The following PEX5L variants were observed in gnomAD, a reference collection of about 807,000 sequenced individuals.
PEX5L encodes PEX5-related protein.
Under a neutral mutation model 84.0 loss-of-function variants are expected in PEX5L, and 30 were observed. That is an observed-to-expected ratio of 0.36 (90% CI 0.27 to 0.48). The LOEUF (loss-of-function observed/expected upper bound fraction) is 0.48. PEX5L is among the 20% of genes least tolerant of loss of function. The pLI, the probability that PEX5L is intolerant of heterozygous loss-of-function variation, is 0.99. For missense variants in PEX5L, 533 were observed against 754.6 expected, an observed-to-expected ratio of 0.71 and a Z score of 3.44; for synonymous variants, 270 against 283.1, an observed-to-expected ratio of 0.95 and a Z score of 0.46.
intron 1 of PEX5L, among the ~76,000 whole-genome samples, chr3:179,975,794 A>G (rs910500682): frequency 4.6e-5 from 7 of 152,146 alleles, no homozygotes; most frequent in Non-Finnish European, 5.9e-5. Context: ...CCCTGTCCTA[A>G]AAGGTGATTT....
At chr3:179,917,675 A>G (rs939489620) in intron 2 of PEX5L, among the ~76,000 whole-genome samples, 6 of 150,800 alleles carry the variant, frequency 4.0e-5, no homozygotes, top group Admixed American at 6.6e-5. Flanking sequence ...TTTGAGACGG[A>G]GTTTTGCTTT....
In PEX5L at chr3:180,036,652, T is replaced by C; in HGVS notation, c.-53A>G. The C allele has an allele frequency of 6.2e-7, 1 of 1,604,740 alleles. No individual in the cohort carries two copies. Among genetic ancestry groups the C allele is most frequent in the African/African-American group, 1.3e-5 (1 of 74,880 alleles). ...GAGGCCACCGGATGCTTTTCCCCCG[T>C]GCTTACTTGCCCACCAAAAGAGGGG... On this transcript the variant is annotated 5_prime_UTR_variant, in exon 1 of 15. Transcript: ENST00000467460.
At chr3:179,873,465 T>C (rs1480999623) in intron 7 of PEX5L, among the ~76,000 whole-genome samples, 1 of 152,198 alleles carries the variant, frequency 6.6e-6, no homozygotes, top group Non-Finnish European at 1.5e-5. Context: ...ACACAACTTA[T>C]GATATCTTCG....
intron 1 of PEX5L, among the ~76,000 whole-genome samples, chr3:179,984,823 A>C (rs1279140772): frequency 6.6e-6 from 1 of 152,170 alleles, no homozygotes; most frequent in Non-Finnish European, 1.5e-5. Context: ...TAGTGCTTAC[A>C]AATACTTATA....
At chr3:180,012,294 C>T (rs1789558907) in intron 1 of PEX5L, among the ~76,000 whole-genome samples, 1 of 152,082 alleles carries the variant, frequency 6.6e-6, no homozygotes, top group Admixed American at 6.6e-5. Context: ...TATATGTTAA[C>T]GCTGTCTGTC....
intron 7 of PEX5L, among the ~76,000 whole-genome samples, chr3:179,863,693 G>A (rs1403899871): frequency 6.6e-6 from 1 of 152,106 alleles, no homozygotes; most frequent in African/African-American, 2.4e-5. Flanking sequence ...TGTTGGAGAG[G>A]ATGTGGAGAG....
chr3:179,896,443 T>C (rs1369380198), intron 3 of PEX5L, among the ~76,000 whole-genome samples: 2 of 152,144 alleles, frequency 1.3e-5, no homozygotes, highest in South Asian at 2.1e-4. Context: ...AGGAAGAACT[T>C]GGTACAAACA....
At chr3:179,802,126 A>G (rs1719081679) in intron 14 of PEX5L, 94 bp from the exon 15 acceptor site, 1 of 866,538 alleles carries the variant, frequency 1.2e-6, no homozygotes, top group Non-Finnish European at 1.9e-6. Context: ...AGTGATTTTA[A>G]TCTAAAATCT....
intron 1 of PEX5L, among the ~76,000 whole-genome samples, chr3:180,030,126 T>C (rs980779290): frequency 2.0e-5 from 3 of 152,174 alleles, no homozygotes; most frequent in African/African-American, 7.2e-5. Context: ...CCAGGAAATG[T>C]TGGATTTTGC....
intron 2 of PEX5L, among the ~76,000 whole-genome samples, chr3:179,951,190 G>A (rs1052840114): frequency 7.2e-5 from 11 of 152,198 alleles, no homozygotes; most frequent in East Asian, 1.9e-4. Context: ...AAAAATGGGC[G>A]ATAGATGCTT....
chr3:179,840,981 T>C (rs1190980132), intron 8 of PEX5L, among the ~76,000 whole-genome samples: 3 of 152,104 alleles, frequency 2.0e-5, no homozygotes, highest in African/African-American at 7.2e-5. Flanking sequence ...TTAAGAGCCA[T>C]CAGGATATTT....
At chr3:180,027,699 G>A (rs1791093541) in intron 1 of PEX5L, among the ~76,000 whole-genome samples, 1 of 152,168 alleles carries the variant, frequency 6.6e-6, no homozygotes, top group South Asian at 2.1e-4. Flanking sequence ...TCAATAGTGT[G>A]TGCCAAGGGT....
At chr3:180,015,876 A>T (rs1394029907) in intron 1 of PEX5L, among the ~76,000 whole-genome samples, 1 of 118,136 alleles carries the variant, frequency 8.5e-6, no homozygotes, top group East Asian at 2.0e-4. Context: ...CATATAATAT[A>T]TAATATTTAA....
At chr3:180,022,520 C>A (rs1790507511) in intron 1 of PEX5L, among the ~76,000 whole-genome samples, 1 of 152,120 alleles carries the variant, frequency 6.6e-6, no homozygotes, top group Non-Finnish European at 1.5e-5. Flanking sequence ...GAGGTTAAAA[C>A]ATTAAAGTAA....
chr3:179,994,048 A>C (rs1579268133), intron 1 of PEX5L, among the ~76,000 whole-genome samples: 1 of 152,292 alleles, frequency 6.6e-6, no homozygotes, highest in East Asian at 1.9e-4. Context: ...TCTTCCTGTA[A>C]ATATGTGTAG....
intron 1 of PEX5L, among the ~76,000 whole-genome samples, chr3:179,989,724 A>G (rs1193895799): frequency 6.6e-6 from 1 of 152,194 alleles, no homozygotes; most frequent in East Asian, 1.9e-4. Context: ...TTATTCAATC[A>G]ACTTTGACAC....
rs111707643 is a variant in PEX5L, at chr3:179,963,543, C to T, written c.93+8051G>A. Among the ~76,000 whole-genome samples, 42 of 152,190 alleles carry T rather than the reference C, an allele frequency of 2.8e-4. 2 individuals carry two copies. The highest frequency in any genetic ancestry group is 7.2e-4 in the Admixed American group (11 of 15,264). ...CAGAGGAGAGCACATAGGACTCTTC[C>T]TGGATCTTAGAGACTCATGAATATA... On this transcript the variant is annotated intron_variant, in intron 2 of 14. Coordinates refer to ENST00000467460, the MANE Select transcript of PEX5L (RefSeq NM_016559.3).
intron 2 of PEX5L, among the ~76,000 whole-genome samples, chr3:179,915,587 T>C (rs909311002): frequency 6.6e-5 from 10 of 152,184 alleles, no homozygotes; most frequent in African/African-American, 1.9e-4. Flanking sequence ...AGTGCTTATG[T>C]GTTCTGCCAG....
chr3:179,827,019 G>A (rs1577320955), intron 8 of PEX5L, among the ~76,000 whole-genome samples: 2 of 152,308 alleles, frequency 1.3e-5, no homozygotes, highest in East Asian at 3.9e-4. Flanking sequence ...TACTTGCTCA[G>A]TCTCACACTA....
Sources: allele counts gnomAD v4.1 joint callset (sites outside exome capture counted in the v4.1 genomes callset), GRCh38; gene constraint gnomAD v4.1.1; transcripts MANE v1.5; gene names NCBI Gene and HGNC (gene_info 2026-07-23, HGNC 2026-07-21).